The following METAP2 variants were observed in gnomAD, a reference collection of about 807,000 sequenced individuals.
The protein encoded by METAP2 is methionine aminopeptidase 2.
METAP2 carries 25 observed loss-of-function variants against 59.4 expected under a neutral mutation model. The observed-to-expected ratio is 0.42, with a 90% CI of 0.31 to 0.59. METAP2 has a LOEUF of 0.59. Among genes scored for constraint, METAP2 ranks in the 20% least tolerant of loss-of-function variants. METAP2 has a pLI of 0.16. For synonymous variants in METAP2, 214 were observed against 194.1 expected, an observed-to-expected ratio of 1.10 and a Z score of -0.85; for missense variants, 366 against 581.2, an observed-to-expected ratio of 0.63 and a Z score of 3.81.
At chr12:95,511,398 T>G (rs1594440660) in intron 8 of METAP2, among the ~76,000 whole-genome samples, 1 of 140,154 alleles carries the variant, frequency 7.1e-6, no homozygotes, top group East Asian at 2.1e-4. Context: ...CGTTTTTTTT[T>G]TTTTTTTTTT....
intron 7 of METAP2, among the ~76,000 whole-genome samples, chr12:95,498,142 A>AC (rs2076289068): frequency 1.3e-5 from 2 of 151,628 alleles, no homozygotes. Flanking sequence ...CAAAAAAAAA[A>AC]AAAAACAGTA....
At chr12:95,481,602 G>T (rs2076158665) in intron 2 of METAP2, among the ~76,000 whole-genome samples, 1 of 152,156 alleles carries the variant, frequency 6.6e-6, no homozygotes, top group Non-Finnish European at 1.5e-5. Context: ...CTGTTTTTCT[G>T]TACTGAATAC....
At chr12:95,507,636 C>T (rs1195784643) in intron 8 of METAP2, among the ~76,000 whole-genome samples, 1 of 152,166 alleles carries the variant, frequency 6.6e-6, no homozygotes, top group Non-Finnish European at 1.5e-5. Context: ...AGTGTTAATC[C>T]TCCACCTCCT....
intron 8 of METAP2, among the ~76,000 whole-genome samples, chr12:95,510,576 C>G (rs532387373): frequency 3.2e-4 from 49 of 152,194 alleles, no homozygotes; most frequent in African/African-American, 1.2e-3. Context: ...CTGTTAGGTC[C>G]CACCTCCCAA....
chr12:95,500,300 T>C (rs67612900), intron 7 of METAP2, among the ~76,000 whole-genome samples: 11,668 of 152,248 alleles, frequency 0.077, 584 homozygotes, highest in African/African-American at 0.13. Flanking sequence ...ACACTTCTTT[T>C]GTGTGGAATC....
chr12:95,492,035 T>A (rs1404600749), intron 4 of METAP2, among the ~76,000 whole-genome samples: 1 of 152,114 alleles, frequency 6.6e-6, no homozygotes, highest in Non-Finnish European at 1.5e-5. Context: ...CTTGAACTTC[T>A]GGGCTCAAAC....
intron 8 of METAP2, among the ~76,000 whole-genome samples, chr12:95,506,054 A>G (rs55731454): frequency 6.6e-6 from 1 of 151,460 alleles, no homozygotes; most frequent in Non-Finnish European, 1.5e-5. Context: ...TCAAGATTGC[A>G]CCATTGCACT....
At chr12:95,502,749 T>G (rs987354620) in intron 7 of METAP2, among the ~76,000 whole-genome samples, 1 of 152,098 alleles carries the variant, frequency 6.6e-6, no homozygotes, top group South Asian at 2.1e-4. Context: ...TTCTGTTCAC[T>G]TTAATCTTTT....
At chr12:95,478,116 T>C (rs1302655812) in intron 2 of METAP2, among the ~76,000 whole-genome samples, 1 of 150,922 alleles carries the variant, frequency 6.6e-6, no homozygotes, top group Non-Finnish European at 1.5e-5. Flanking sequence ...CCCGTCCACC[T>C]CCCCCCACCC....
chr12:95,486,121 G>A (rs2076194818), intron 4 of METAP2, 140 bp downstream of exon 4: 1 of 600,020 alleles, frequency 1.7e-6, no homozygotes, highest in Non-Finnish European at 2.8e-6. Flanking sequence ...TACAGTAGAA[G>A]CCCTCTTATC....
At chr12:95,508,299 T>TAAA (rs1285466350) in intron 8 of METAP2, among the ~76,000 whole-genome samples, 2 of 152,190 alleles carry the variant, frequency 1.3e-5, no homozygotes, top group Non-Finnish European at 1.5e-5. Flanking sequence ...GAAAATGTTT[T>TAAA]GTCCAGTTCT....
At chr12:95,482,198 T>G in intron 2 of METAP2, 1 of 451,702 alleles carries the variant, frequency 2.2e-6, no homozygotes, top group Non-Finnish European at 4.4e-6. Flanking sequence ...CAGCCTTGAC[T>G]TCCCTGGCTC....
intron 10 of METAP2, among the ~76,000 whole-genome samples, chr12:95,513,127 ACACAC>A (rs1260965810): frequency 6.7e-6 from 1 of 149,836 alleles, no homozygotes; most frequent in Non-Finnish European, 1.5e-5. Context: ...ACACACACAC[ACACAC>A]AAGTGCTCTC....
chr12:95,499,795 G>A (rs2076301912), intron 7 of METAP2, among the ~76,000 whole-genome samples: 1 of 152,084 alleles, frequency 6.6e-6, no homozygotes, highest in South Asian at 2.1e-4. Flanking sequence ...TCAGTAGGGA[G>A]GCCTCAGGAA....
At chr12:95,482,082 A>G (rs1175915614) in intron 2 of METAP2, 3 of 419,804 alleles carry the variant, frequency 7.1e-6, no homozygotes, top group Non-Finnish European at 4.8e-6. Context: ...AAAATCCATA[A>G]TGAATAAGTC....
intron 2 of METAP2, among the ~76,000 whole-genome samples, chr12:95,478,339 T>A (rs2076135556): frequency 6.6e-6 from 1 of 152,190 alleles, no homozygotes; most frequent in African/African-American, 2.4e-5. Context: ...TTTCTCCTAA[T>A]GGAAAACTAG....
At chr12:95,484,982 C>T in intron 3 of METAP2, 1 of 425,418 alleles carries the variant, frequency 2.4e-6, no homozygotes, top group Non-Finnish European at 4.6e-6. Context: ...CTGTAACAAG[C>T]CAAATAATAT....
intron 5 of METAP2, 89 bp downstream of exon 5, chr12:95,494,306 A>G: frequency 1.6e-6 from 2 of 1,233,106 alleles, no homozygotes; most frequent in Non-Finnish European, 2.2e-6. Flanking sequence ...TTTCATTACC[A>G]CTTTGCTAAA....
At position 95,483,077 on chromosome 12, in the gene METAP2, A is replaced by G. The variant is rs2076170524; in HGVS notation, c.260-138A>G. On this transcript the variant is annotated intron_variant, in intron 2 of 10. Coordinates refer to ENST00000323666, the MANE Select transcript of METAP2 (RefSeq NM_006838.4). ...GCTTCCTATTTCTTATTTCAGTGAAAGAATAAATGTAAACAAGATAAAATA... is the reference window on the plus strand; with the variant it reads ...GCTTCCTATTTCTTATTTCAGTGAAGGAATAAATGTAAACAAGATAAAATA... 3 of 728,782 alleles carry G rather than the reference A, an allele frequency of 4.1e-6. No homozygotes were observed. In the South Asian group the frequency reaches 5.1e-5, roughly 12 times the overall value. 45.1% of individuals were successfully genotyped at this position (728,782 alleles called of 1,614,324 possible). A position where few individuals can be genotyped will look rare whatever the true frequency, so the allele number is the denominator to read the frequency against.
Sources: allele counts gnomAD v4.1 joint callset (sites outside exome capture counted in the v4.1 genomes callset), GRCh38; gene constraint gnomAD v4.1.1; transcripts MANE v1.5; gene names NCBI Gene and HGNC (gene_info 2026-07-23, HGNC 2026-07-21).